The following GBE1 variants were observed in gnomAD, a reference collection of about 807,000 sequenced individuals.
GBE1 encodes 1,4-alpha-glucan branching enzyme 1.
A neutral mutation model predicts 88.8 loss-of-function variants in GBE1; 70 were observed. The ratio of observed to expected loss-of-function variants is 0.79; its 90% CI spans 0.65 to 0.96. The LOEUF (loss-of-function observed/expected upper bound fraction) is 0.96, where lower values mean the gene tolerates loss of function less well. Ranked by LOEUF, GBE1 falls within the 40% of genes least tolerant of loss-of-function variation. The pLI is 0.00. For synonymous variants in GBE1, 284 were observed against 300.1 expected (o/e 0.95, Z 0.56); for missense variants, 872 against 871.0 (o/e 1.00, Z -0.01).
intron 13 of GBE1, among the ~76,000 whole-genome samples, chr3:81,536,212 T>TA (rs199892591): frequency 4.1e-4 from 60 of 146,016 alleles, no homozygotes; most frequent in African/African-American, 8.2e-4. Flanking sequence ...GTTCAGCCAT[T>TA]AAAAAAAAAA....
chr3:81,507,591 A>C (rs920642971), intron 14 of GBE1, among the ~76,000 whole-genome samples: 3 of 75,944 alleles, frequency 4.0e-5, no homozygotes, highest in Non-Finnish European at 8.4e-5. Flanking sequence ...AAAACAGAGA[A>C]CTTACTAGCG....
chr3:81,723,896 C>T lies in GBE1; in HGVS notation c.144-18283G>A, dbSNP rs942369714. Among the ~76,000 whole-genome samples, 7 of 152,330 alleles carry T rather than the reference C, an allele frequency of 4.6e-5. No homozygotes were observed. In the South Asian group the frequency reaches 8.3e-4, roughly 18 times the overall value. On this transcript the variant is annotated intron_variant, in intron 1 of 15. Coordinates refer to ENST00000429644, the MANE Select transcript of GBE1 (RefSeq NM_000158.4). Reference sequence around the variant, plus strand: ...GGCCAGTATGCAGTACTATGAAAAGCATTAGTCATGCGGCCTCAAAAATCA... The same window carrying T: ...GGCCAGTATGCAGTACTATGAAAAGTATTAGTCATGCGGCCTCAAAAATCA...
At chr3:81,519,311 C>G (rs1190898571) in intron 14 of GBE1, among the ~76,000 whole-genome samples, 1 of 151,482 alleles carries the variant, frequency 6.6e-6, no homozygotes, top group Non-Finnish European at 1.5e-5. Flanking sequence ...TCAAATTCAA[C>G]TATTTATACC....
chr3:81,631,585 A>C (rs1460116769), intron 7 of GBE1, among the ~76,000 whole-genome samples: 5 of 151,666 alleles, frequency 3.3e-5, no homozygotes, highest in Non-Finnish European at 5.9e-5. Flanking sequence ...AATACAAAAA[A>C]AAAAACAAAA....
chr3:81,673,429 G>A (rs1201194513), intron 2 of GBE1, among the ~76,000 whole-genome samples: 1 of 151,692 alleles, frequency 6.6e-6, no homozygotes, highest in Non-Finnish European at 1.5e-5. Flanking sequence ...AGTTATAATA[G>A]ACCAATATAA....
chr3:81,592,578 T>G (rs939829592), intron 8 of GBE1, among the ~76,000 whole-genome samples: 1 of 152,160 alleles, frequency 6.6e-6, no homozygotes, highest in Non-Finnish European at 1.5e-5. Flanking sequence ...GGGATTTTGT[T>G]TGTTGCTTTC....
At chr3:81,661,360 T>C (rs1705028810) in intron 3 of GBE1, among the ~76,000 whole-genome samples, 1 of 152,168 alleles carries the variant, frequency 6.6e-6, no homozygotes, top group Non-Finnish European at 1.5e-5. Context: ...TTATGGACAG[T>C]ATAATTTTTT....
chr3:81,515,845 C>T (rs1030956611), intron 14 of GBE1, among the ~76,000 whole-genome samples: 1 of 151,624 alleles, frequency 6.6e-6, no homozygotes, highest in African/African-American at 2.4e-5. Context: ...CTAGCCACAA[C>T]ATTCCCATAA....
intron 9 of GBE1, among the ~76,000 whole-genome samples, chr3:81,588,030 T>C (rs1703822936): frequency 6.6e-6 from 1 of 152,132 alleles, no homozygotes. Flanking sequence ...AAGTCTTCCT[T>C]AGATTATGAC....
chr3:81,510,214 CA>C lies in GBE1; in HGVS notation c.1935-10988del, dbSNP rs1403051002. 1.2e-4 allele frequency among the ~76,000 whole-genome samples: 18 copies of C among 152,174 alleles called. No homozygotes were observed. In the South Asian group the frequency reaches 3.7e-3, roughly 32 times the overall value. On this transcript the variant is annotated intron_variant, in intron 14 of 15. Transcript: ENST00000429644. ...TGCTCTTAGGTATAACAGTTTCTAC[CA>C]CTCTACCACCATCTTGCAGATAAAG...
chr3:81,654,147 G>A (rs1236362391), intron 3 of GBE1, among the ~76,000 whole-genome samples: 1 of 151,954 alleles, frequency 6.6e-6, no homozygotes, highest in Admixed American at 6.6e-5. Flanking sequence ...TGACTTATAG[G>A]AGGTTATCAT....
intron 14 of GBE1, among the ~76,000 whole-genome samples, chr3:81,503,306 G>A (rs906568383): frequency 6.6e-5 from 10 of 152,082 alleles, no homozygotes; most frequent in Non-Finnish European, 1.5e-4. Context: ...GGAGAGTCAA[G>A]GAAGAAAAAT....
chr3:81,653,192 A>C (rs928509148), intron 3 of GBE1, among the ~76,000 whole-genome samples: 12 of 152,144 alleles, frequency 7.9e-5, no homozygotes, highest in African/African-American at 2.9e-4. Context: ...GGTCAGGCAC[A>C]GTGGCTCACA....
At chr3:81,526,651 T>C (rs1702948257) in intron 14 of GBE1, among the ~76,000 whole-genome samples, 1 of 152,026 alleles carries the variant, frequency 6.6e-6, no homozygotes, top group African/African-American at 2.4e-5. Context: ...TACCTAGGAA[T>C]CCAACTTACA....
At chr3:81,737,531 T>C (rs1177967312) in intron 1 of GBE1, among the ~76,000 whole-genome samples, 1 of 150,052 alleles carries the variant, frequency 6.7e-6, no homozygotes, top group Non-Finnish European at 1.5e-5. Flanking sequence ...TCGCCAACTG[T>C]TTGTCACTGG....
At chr3:81,624,840 G>A (rs1704389234) in intron 7 of GBE1, among the ~76,000 whole-genome samples, 1 of 152,110 alleles carries the variant, frequency 6.6e-6, no homozygotes, top group Admixed American at 6.6e-5. Context: ...TCTCCTTCTG[G>A]TTTGTTCCCA....
intron 7 of GBE1, among the ~76,000 whole-genome samples, chr3:81,635,929 C>T (rs1343421983): frequency 2.0e-5 from 3 of 152,092 alleles, no homozygotes; most frequent in South Asian, 2.1e-4. Context: ...GTGAGTAAGA[C>T]GTAAATACTC....
intron 1 of GBE1, among the ~76,000 whole-genome samples, chr3:81,757,088 T>C (rs556828641): frequency 6.6e-6 from 1 of 152,156 alleles, no homozygotes; most frequent in African/African-American, 2.4e-5. Context: ...GTGGACAAAA[T>C]AAGAAATGAA....
intron 7 of GBE1, among the ~76,000 whole-genome samples, chr3:81,602,818 A>G (rs1704051096): frequency 6.6e-6 from 1 of 152,178 alleles, no homozygotes; most frequent in Non-Finnish European, 1.5e-5. Context: ...TTCTTGTTTT[A>G]ATCACATTTC....
Sources: gnomAD v4.1 joint callset for allele counts (sites outside exome capture counted in the v4.1 genomes callset) on GRCh38, gnomAD v4.1.1 for gene constraint, MANE v1.5 for transcripts, NCBI Gene and HGNC (gene_info 2026-07-23, HGNC 2026-07-21) for gene names.